SEMA5A: variants seen among roughly 807,000 people sequenced by gnomAD.
The protein encoded by SEMA5A is semaphorin 5A.
SEMA5A carries 55 observed loss-of-function variants against 135.5 expected under a neutral mutation model. The observed-to-expected ratio is 0.41, with a 90% confidence interval of 0.33 to 0.51. The LOEUF is 0.51. Ranked by LOEUF, SEMA5A falls within the 20% of genes least tolerant of loss-of-function variation. SEMA5A has a pLI of 0.37. For missense variants in SEMA5A, 1,290 were observed against 1,419.9 expected (o/e 0.91, Z 1.47); for synonymous variants, 580 against 546.5 (o/e 1.06, Z -0.85).
intron 8 of SEMA5A, among the ~76,000 whole-genome samples, chr5:9,205,137 C>T (rs1383220467): frequency 6.6e-6 from 1 of 152,104 alleles, no homozygotes; most frequent in Non-Finnish European, 1.5e-5. Flanking sequence ...CAATATTCAA[C>T]AGGATTTGAT....
intron 8 of SEMA5A, among the ~76,000 whole-genome samples, chr5:9,222,783 A>AGATGCTGACAACCAGGACGCTGACC (rs1747078391): frequency 6.6e-6 from 1 of 152,222 alleles, no homozygotes; most frequent in Non-Finnish European, 1.5e-5. Flanking sequence ...GAGAATTCAC[A>AGATGCTGACAACCAGGACGCTGACC]GATGCTGACA....
chr5:9,453,303 CA>C (rs1320209570), intron 1 of SEMA5A, among the ~76,000 whole-genome samples: 1 of 152,188 alleles, frequency 6.6e-6, no homozygotes, highest in East Asian at 1.9e-4. Context: ...TGACAACAGG[CA>C]TTCCCAGCCG....
chr5:9,370,907 T>C (rs886114357), intron 3 of SEMA5A, among the ~76,000 whole-genome samples: 1 of 152,238 alleles, frequency 6.6e-6, no homozygotes, highest in Non-Finnish European at 1.5e-5. Context: ...AGGATTTTTA[T>C]CTACCTTCAG....
chr5:9,511,011 C>T (rs1455270267), intron 1 of SEMA5A, among the ~76,000 whole-genome samples: 1 of 152,154 alleles, frequency 6.6e-6, no homozygotes, highest in African/African-American at 2.4e-5. Flanking sequence ...TCGTTTGCAT[C>T]TGTGGCCGTG....
chr5:9,136,695 T>C, intron 12 of SEMA5A, 74 bp from the exon 13 acceptor site: 1 of 1,211,338 alleles, frequency 8.3e-7, no homozygotes, highest in South Asian at 1.2e-5. Flanking sequence ...AAGGCGAACC[T>C]GTCCCTTGGC....
intron 3 of SEMA5A, among the ~76,000 whole-genome samples, chr5:9,359,594 ATG>A: frequency 6.6e-6 from 1 of 152,214 alleles, no homozygotes; most frequent in Admixed American, 6.5e-5. Flanking sequence ...CCTGAAGGTC[ATG>A]ATGTAACTTT....
chr5:9,505,351 A>T (rs549303936), intron 1 of SEMA5A, among the ~76,000 whole-genome samples: 2 of 152,332 alleles, frequency 1.3e-5, no homozygotes, highest in African/African-American at 2.4e-5. Flanking sequence ...ATAATTTTTT[A>T]AAAATTAAAC....
intron 16 of SEMA5A, among the ~76,000 whole-genome samples, chr5:9,069,310 C>A (rs1260668576): frequency 6.6e-6 from 1 of 152,228 alleles, no homozygotes. Context: ...GCATTGTCTT[C>A]CACATAGTTC....
At chr5:9,387,764 A>G (rs1755961128) in intron 2 of SEMA5A, among the ~76,000 whole-genome samples, 2 of 152,250 alleles carry the variant, frequency 1.3e-5, no homozygotes, top group Non-Finnish European at 2.9e-5. Context: ...AGATTCTTCT[A>G]ATCTTTTTCA....
chr5:9,141,221 G>A (rs1329613235), intron 12 of SEMA5A, among the ~76,000 whole-genome samples: 1 of 152,084 alleles, frequency 6.6e-6, no homozygotes, highest in East Asian at 1.9e-4. Context: ...TTGGAAGCTG[G>A]ATCTCTTTAA....
intron 11 of SEMA5A, among the ~76,000 whole-genome samples, chr5:9,172,895 T>C (rs1744004298): frequency 6.6e-6 from 1 of 152,240 alleles, no homozygotes; most frequent in African/African-American, 2.4e-5. Context: ...TGAAACACAG[T>C]GGTTATAGGT....
At chr5:9,332,035 TACTC>T (rs1230615008) in intron 4 of SEMA5A, among the ~76,000 whole-genome samples, 4 of 152,176 alleles carry the variant, frequency 2.6e-5, no homozygotes, top group Non-Finnish European at 2.9e-5. Flanking sequence ...TATGGGCTGA[TACTC>T]ACATTGGGTC....
chr5:9,426,400 T>C (rs1757651004), intron 2 of SEMA5A, among the ~76,000 whole-genome samples: 1 of 107,696 alleles, frequency 9.3e-6, no homozygotes. Context: ...ACTCCAGCCC[T>C]GGCAACAGAG....
At chr5:9,521,898 C>A (rs1371958460) in intron 1 of SEMA5A, among the ~76,000 whole-genome samples, 1 of 152,174 alleles carries the variant, frequency 6.6e-6, no homozygotes. Context: ...AGGACAGCAC[C>A]TGCTCAGTTC....
At chr5:9,384,496 T>C (rs947628788) in intron 2 of SEMA5A, among the ~76,000 whole-genome samples, 1 of 151,468 alleles carries the variant, frequency 6.6e-6, no homozygotes, top group African/African-American at 2.4e-5. Context: ...CTCTAGACAA[T>C]GTCAAATTGC....
chr5:9,358,090 T>C (rs10213796), intron 3 of SEMA5A, among the ~76,000 whole-genome samples: 4 of 152,068 alleles, frequency 2.6e-5, no homozygotes, highest in African/African-American at 9.7e-5. Flanking sequence ...CCAGCTTCTA[T>C]AACACACTTT....
chr5:9,061,726 C>T (rs550899295), intron 18 of SEMA5A, among the ~76,000 whole-genome samples: 9 of 152,230 alleles, frequency 5.9e-5, no homozygotes, highest in African/African-American at 2.2e-4. Context: ...TCTGTGCTTG[C>T]TTGGGAATTC....
At chr5:9,124,048 T>A (rs1740973508) in intron 13 of SEMA5A, among the ~76,000 whole-genome samples, 1 of 152,052 alleles carries the variant, frequency 6.6e-6, no homozygotes, top group African/African-American at 2.4e-5. Flanking sequence ...GGCTGCCAAA[T>A]GCAAAGGGCA....
intron 11 of SEMA5A, among the ~76,000 whole-genome samples, chr5:9,171,408 G>A (rs189211769): frequency 8.5e-5 from 13 of 152,282 alleles, no homozygotes; most frequent in Non-Finnish European, 1.5e-4. Context: ...CATCTGAGGG[G>A]CAGGAGTGAC....
Sources: allele counts gnomAD v4.1 joint callset (sites outside exome capture counted in the v4.1 genomes callset), GRCh38; gene constraint gnomAD v4.1.1; transcripts MANE v1.5; gene names NCBI Gene and HGNC (gene_info 2026-07-23, HGNC 2026-07-21).